The following IQCJ variants were observed in gnomAD, a reference collection of about 807,000 sequenced individuals.
IQCJ encodes IQ domain-containing protein J.
Under a neutral mutation model 11.0 loss-of-function variants are expected in IQCJ, and 9 were observed. That is an observed-to-expected ratio of 0.82 (90% confidence interval 0.49 to 1.43). The LOEUF is 1.43. Among genes scored for constraint, IQCJ ranks in the 40% most tolerant of loss-of-function variants. The pLI is 0.00. For missense variants in IQCJ, 146 were observed against 133.2 expected (o/e 1.10, Z -0.47); for synonymous variants, 55 against 51.3 (o/e 1.07, Z -0.31).
At chr3:159,110,481 A>G (rs1039466848) in intron 1 of IQCJ, among the ~76,000 whole-genome samples, 1 of 152,086 alleles carries the variant, frequency 6.6e-6, no homozygotes, top group Non-Finnish European at 1.5e-5. Flanking sequence ...GTCATTTCCT[A>G]CAGGAAGGCT....
intron 1 of IQCJ, among the ~76,000 whole-genome samples, chr3:159,243,636 A>T (rs1727068034): frequency 6.6e-6 from 1 of 152,212 alleles, no homozygotes; most frequent in South Asian, 2.1e-4. Context: ...GGAACAAAGG[A>T]ACTTCCTGGG....
At chr3:159,132,644 T>G (rs1373462506) in intron 1 of IQCJ, among the ~76,000 whole-genome samples, 1 of 152,182 alleles carries the variant, frequency 6.6e-6, no homozygotes, top group East Asian at 1.9e-4. Context: ...ACCAATCGAT[T>G]CCTCTTACTA....
chr3:159,137,263 GA>G (rs60336189), intron 1 of IQCJ, among the ~76,000 whole-genome samples: 6,918 of 126,828 alleles, frequency 0.055, 376 homozygotes, highest in African/African-American at 0.15. Flanking sequence ...CTCCATCTTG[GA>G]AAAAAAAAAA....
intron 3 of IQCJ, among the ~76,000 whole-genome samples, chr3:159,257,635 C>T (rs1727971419): frequency 6.6e-6 from 1 of 152,084 alleles, no homozygotes; most frequent in African/African-American, 2.4e-5. Flanking sequence ...CATGCAGTGG[C>T]CCCGTATTGA....
chr3:159,236,506 C>T (rs1407317565), intron 1 of IQCJ, among the ~76,000 whole-genome samples: 1 of 152,158 alleles, frequency 6.6e-6, no homozygotes, highest in Non-Finnish European at 1.5e-5. Context: ...GAGGTTTGGA[C>T]TCCCTCCAAT....
chr3:159,204,795 G>C (rs987461451), intron 1 of IQCJ, among the ~76,000 whole-genome samples: 1 of 152,194 alleles, frequency 6.6e-6, no homozygotes, highest in African/African-American at 2.4e-5. Context: ...GTGTGAGTGT[G>C]AATGAAGGTA....
At chr3:159,194,896 A>G (rs1222229676) in intron 1 of IQCJ, among the ~76,000 whole-genome samples, 1 of 152,052 alleles carries the variant, frequency 6.6e-6, no homozygotes, top group East Asian at 1.9e-4. Flanking sequence ...GCAGACCATG[A>G]GGTTAGGAGT....
intron 1 of IQCJ, among the ~76,000 whole-genome samples, chr3:159,112,233 T>A (rs1269973055): frequency 1.3e-5 from 2 of 152,152 alleles, no homozygotes; most frequent in Admixed American, 6.5e-5. Context: ...GCTCCTTCCA[T>A]CTCTAAAATT....
intron 1 of IQCJ, among the ~76,000 whole-genome samples, chr3:159,072,295 T>C (rs1336215441): frequency 6.6e-6 from 1 of 152,048 alleles, no homozygotes; most frequent in Non-Finnish European, 1.5e-5. Context: ...AGAAAGACTC[T>C]CTGGAGAAGA....
chr3:159,092,501 A>C (rs1015950261), intron 1 of IQCJ, among the ~76,000 whole-genome samples: 3 of 151,766 alleles, frequency 2.0e-5, no homozygotes, highest in African/African-American at 4.9e-5. Flanking sequence ...AGATGGAGAC[A>C]ATCCTGGCTA....
At chr3:159,239,721 C>CA (rs1346634083) in intron 1 of IQCJ, among the ~76,000 whole-genome samples, 2 of 152,230 alleles carry the variant, frequency 1.3e-5, no homozygotes, top group African/African-American at 4.8e-5. Flanking sequence ...ATCACATATA[C>CA]AACCCATAAC....
At chr3:159,157,274 G>C (rs776664905) in intron 1 of IQCJ, among the ~76,000 whole-genome samples, 1 of 152,140 alleles carries the variant, frequency 6.6e-6, no homozygotes, top group Non-Finnish European at 1.5e-5. Flanking sequence ...TAATTGCAAC[G>C]AACTATGGTA....
At chr3:159,130,882 TCTG>T (rs2071244024) in intron 1 of IQCJ, among the ~76,000 whole-genome samples, 1 of 152,220 alleles carries the variant, frequency 6.6e-6, no homozygotes, top group African/African-American at 2.4e-5. Flanking sequence ...CCTGTTCCCT[TCTG>T]CTATTGATCC....
At chr3:159,089,756 G>A (rs940918531) in intron 1 of IQCJ, among the ~76,000 whole-genome samples, 8 of 151,610 alleles carry the variant, frequency 5.3e-5, no homozygotes, top group East Asian at 1.9e-4. Context: ...CTAGAGCCTT[G>A]GTTTTCAGCT....
intron 1 of IQCJ, among the ~76,000 whole-genome samples, chr3:159,149,406 C>T (rs184532488): frequency 1.2e-3 from 184 of 152,236 alleles, no homozygotes; most frequent in African/African-American, 4.3e-3. Flanking sequence ...CAGCTTCTAT[C>T]GTACAGTTTC....
chr3:159,085,617 G>A (rs1390609811), intron 1 of IQCJ, among the ~76,000 whole-genome samples: 4 of 146,928 alleles, frequency 2.7e-5, no homozygotes, highest in African/African-American at 7.6e-5. Flanking sequence ...ATTCTAACTG[G>A]TGTGAGATGG....
chr3:159,246,509 A>G (rs1460180329), intron 2 of IQCJ, among the ~76,000 whole-genome samples: 4 of 152,092 alleles, frequency 2.6e-5, no homozygotes, highest in African/African-American at 4.8e-5. Context: ...TCAGCTAGTG[A>G]GTGGTGAGAA....
chr3:159,072,766 A>C (rs1045715451), intron 1 of IQCJ, among the ~76,000 whole-genome samples: 1 of 152,082 alleles, frequency 6.6e-6, no homozygotes, highest in Admixed American at 6.6e-5. Flanking sequence ...TGGTGAAGAA[A>C]CTGAGGTACC....
chr3:159,132,737 A>G (rs1340894352), intron 1 of IQCJ, among the ~76,000 whole-genome samples: 1 of 152,192 alleles, frequency 6.6e-6, no homozygotes, highest in Non-Finnish European at 1.5e-5. Flanking sequence ...TTTTATGGCT[A>G]ATGAATTCAA....
Sources: gnomAD v4.1 joint callset for allele counts (sites outside exome capture counted in the v4.1 genomes callset) on GRCh38, gnomAD v4.1.1 for gene constraint, MANE v1.5 for transcripts, NCBI Gene and HGNC (gene_info 2026-07-23, HGNC 2026-07-21) for gene names.